The following ANKDD1A variants were observed in gnomAD, a reference collection of about 807,000 sequenced individuals.
The protein encoded by ANKDD1A is ankyrin repeat and death domain containing 1A.
ANKDD1A carries 59 observed loss-of-function variants against 63.5 expected under a neutral mutation model. The observed-to-expected ratio is 0.93, with a 90% CI of 0.75 to 1.15. The LOEUF (loss-of-function observed/expected upper bound fraction) is 1.15, where lower values mean the gene tolerates loss of function less well. ANKDD1A is among the 50% of genes most tolerant of loss of function. The pLI, the probability that ANKDD1A is intolerant of heterozygous loss-of-function variation, is 0.00. For synonymous variants in ANKDD1A, 266 were observed against 263.9 expected, an observed-to-expected ratio of 1.01 and a Z score of -0.08; for missense variants, 632 against 656.4, an observed-to-expected ratio of 0.96 and a Z score of 0.41.
At chr15:64,933,616 G>T (rs909408531) in intron 8 of ANKDD1A, among the ~76,000 whole-genome samples, 1 of 152,200 alleles carries the variant, frequency 6.6e-6, no homozygotes. Context: ...GGCTGAGACG[G>T]GTGGATCACA....
Position 64,917,408 on chromosome 15 carries a change from G to A in ANKDD1A, c.161G>A (p.Trp54Ter). 6 of 1,611,150 alleles carry A rather than the reference G, an allele frequency of 3.7e-6. No individual in the cohort carries two copies. The South Asian group carries it at 6.6e-5, about 18-fold the overall frequency. Residue 54 changes from tryptophan to a stop codon, truncating the protein, a stop_gained, in exon 3 of 15, where the codon TGG becomes TAG. Transcript: ENST00000319580. LOFTEE classifies it high-confidence loss of function. ...RNHVGRVALH[W>*]AAGAGHEQAV... Reference sequence around the variant, plus strand: ...CAGGTGGGCAGGGTGGCCCTGCACTGGGCTGCAGGTGCAGGGCACGAGCAG... The same window carrying A: ...CAGGTGGGCAGGGTGGCCCTGCACTAGGCTGCAGGTGCAGGGCACGAGCAG...
chr15:64,935,896 G>C (rs950402359), intron 9 of ANKDD1A, among the ~76,000 whole-genome samples: 1 of 152,032 alleles, frequency 6.6e-6, no homozygotes, highest in African/African-American at 2.4e-5. Context: ...TTTCTAGAAG[G>C]CAAGTTGACA....
At chr15:64,951,721 C>CTTCCTTTCTTTTCTTTTT (rs1595858590) in intron 14 of ANKDD1A, among the ~76,000 whole-genome samples, 2 of 73,598 alleles carry the variant, frequency 2.7e-5, no homozygotes, top group Non-Finnish European at 5.0e-5. Flanking sequence ...CTTTTTCTTC[C>CTTCCTTTCTTTTCTTTTT]CTTTTCTTCT....
intron 14 of ANKDD1A, chr15:64,951,560 T>TTTCTGC (rs1349611332): frequency 0.013 from 36 of 2,832 alleles, no homozygotes; most frequent in African/African-American, 0.015. Flanking sequence ...TCTTCTTTCT[T>TTTCTGC]TTTCTTTTCT....
At chr15:64,923,504 A>C (rs1164647841) in intron 4 of ANKDD1A, among the ~76,000 whole-genome samples, 1 of 152,114 alleles carries the variant, frequency 6.6e-6, no homozygotes, top group African/African-American at 2.4e-5. Context: ...CATTTAAGTA[A>C]ATATTCTGAG....
chr15:64,917,045 G>A (rs1334158677), intron 2 of ANKDD1A, among the ~76,000 whole-genome samples: 1 of 152,192 alleles, frequency 6.6e-6, no homozygotes, highest in African/African-American at 2.4e-5. Flanking sequence ...GCCTAGAGGT[G>A]GGAAGCTGCT....
chr15:64,950,116 CTT>C, intron 14 of ANKDD1A, 144 bp downstream of exon 14: 1 of 1,462,910 alleles, frequency 6.8e-7, no homozygotes. Context: ...GCCCTGCCCT[CTT>C]TTCCCTTGGG....
In ANKDD1A at chr15:64,930,259, TAAAA is replaced by T. The variant is rs11430089; in HGVS notation, c.571-551_571-548del. 2.8e-5 allele frequency among the ~76,000 whole-genome samples: 4 copies of T among 145,070 alleles called. No homozygotes were observed. The East Asian group carries it at 6.1e-4, about 22-fold the overall frequency. On this transcript the variant is annotated intron_variant, in intron 6 of 14. Coordinates refer to ENST00000319580, the MANE Select transcript of ANKDD1A (RefSeq NM_182703.6). ...CGTATCCCAGAACTTAAAGTAAAAT[TAAAA>T]AAAAAAAAAAAGTCAGACAATAAAT...
rs1380271370 is a variant in ANKDD1A at position 64,951,395 on chromosome 15, CTCTTTTT to C, written c.1483+1437_1483+1443del. On this transcript the variant is annotated intron_variant, in intron 14 of 14. Coordinates refer to ENST00000319580, the MANE Select transcript of ANKDD1A (RefSeq NM_182703.6). Reference sequence around the variant, plus strand: ...CTTCTTTCTTTTTCTTTTCTTCTTCCTCTTTTTTCTTTTTTCTTTTCTTCCTCTTTTC... The same window carrying C: ...CTTCTTTCTTTTTCTTTTCTTCTTCCTCTTTTTTCTTTTCTTCCTCTTTTC... 2.7e-3 allele frequency: 277 copies of C among 104,050 alleles called. 3 individuals are homozygous for C. In the South Asian group the frequency reaches 0.032, roughly 12 times the overall value. The allele number at this position is 104,050 out of a possible 1,614,324, so 6.4% of individuals were successfully genotyped here.
rs367888768 is a variant in ANKDD1A at position 64,916,050 on chromosome 15, A to G, written c.138+150A>G. 5.8e-5 allele frequency: 43 copies of G among 746,586 alleles called. No homozygotes were observed. The East Asian group carries it at 1.1e-3, about 18-fold the overall frequency. The allele number at this position is 746,586 out of a possible 1,614,324, so 46.2% of individuals were successfully genotyped here. A position where few individuals can be genotyped will look rare whatever the true frequency, so the allele number is the denominator to read the frequency against. ...CTCGGGCTCTGTCCTCATGGCCTGC[A>G]TTGTCTCGAGGAATCTGAGGCTTAG... is the stretch of plus-strand genomic sequence containing the variant. On this transcript the variant is annotated intron_variant, in intron 2 of 14. Coordinates refer to ENST00000319580, the MANE Select transcript of ANKDD1A (RefSeq NM_182703.6).
Position 64,942,468 on chromosome 15 carries a change from A to G in ANKDD1A, c.869A>G (p.Gln290Arg). Residue 290 changes from glutamine to arginine, a missense_variant and splice_region_variant, in exon 10 of 15, where the codon CAG (glutamine) becomes CGG (arginine). By Grantham distance (43) the Gln-to-Arg change is conservative. Coordinates refer to ENST00000319580, the MANE Select transcript of ANKDD1A (RefSeq NM_182703.6). Reference sequence around the variant, plus strand: ...TGATCCGTGTATCTCCTCCCACAGCAGGGTGCCTCTCCTCTGCACCTCGCT... The same window carrying G: ...TGATCCGTGTATCTCCTCCCACAGCGGGGTGCCTCTCCTCTGCACCTCGCT... Reference protein sequence around the residue: ...AGGCANVVDHQGASPLHLAVR... With the variant: ...AGGCANVVDHRGASPLHLAVR... 3.1e-6 allele frequency: 5 copies of G among 1,610,306 alleles called. No individual in the cohort carries two copies. Among genetic ancestry groups the G allele is most frequent in the Non-Finnish European group, 4.2e-6 (5 of 1,177,904 alleles).
intron 14 of ANKDD1A, among the ~76,000 whole-genome samples, chr15:64,952,630 T>C (rs2085314913): frequency 6.5e-5 from 8 of 122,450 alleles, no homozygotes; most frequent in Non-Finnish European, 1.4e-4. Context: ...TTCTTCGTCT[T>C]TTCTTTCTTC....
At position 64,951,181 on chromosome 15, in the gene ANKDD1A, C is replaced by T. The variant is rs2085266553; in HGVS notation, c.1483+1209C>T. On this transcript the variant is annotated intron_variant, in intron 14 of 14. Transcript: ENST00000319580. ...AGAGCCCAGGAGGCAAATGTTTGTA[C>T]ACTGATCTTTTTCATGAGGATGGGT... 24 of 1,054,852 alleles carry T rather than the reference C, an allele frequency of 2.3e-5. No individual in the cohort carries two copies. In the Middle Eastern group the frequency reaches 1.5e-3, roughly 64 times the overall value. The allele number at this position is 1,054,852 out of a possible 1,614,324, so 65.3% of individuals were successfully genotyped here.
intron 12 of ANKDD1A, among the ~76,000 whole-genome samples, 196 bp downstream of exon 12, chr15:64,944,943 C>A (rs2085211637): frequency 6.6e-6 from 1 of 152,194 alleles, no homozygotes. Flanking sequence ...CAGGCTGAAA[C>A]AAGGCAGACT....
chr15:64,917,974 G>A (rs1168473436), intron 3 of ANKDD1A, among the ~76,000 whole-genome samples: 5 of 152,350 alleles, frequency 3.3e-5, no homozygotes, highest in East Asian at 3.9e-4. Context: ...GATGAGTAAC[G>A]GGGTCTGTAA....
rs1313027446 is a variant in ANKDD1A, at chr15:64,953,525, C to T, written c.1483+3553C>T. ...TTCCTCCTCTTCCTTCTCCTTCTTC[C>T]TTCTTCTCCTCTCCTTCTTCCTTCT... On this transcript the variant is annotated intron_variant, in intron 14 of 14. Coordinates refer to ENST00000319580, the MANE Select transcript of ANKDD1A (RefSeq NM_182703.6). Among the ~76,000 whole-genome samples the T allele has an allele frequency of 3.2e-3, 220 of 68,450 alleles. 2 individuals carry two copies. Among genetic ancestry groups the T allele is most frequent in the African/African-American group, 9.6e-3 (207 of 21,582 alleles). 44.9% of individuals were successfully genotyped at this position (68,450 alleles called of 152,430 possible).
intron 14 of ANKDD1A, among the ~76,000 whole-genome samples, chr15:64,954,939 TGTCTCTTCTTCTC>T (rs1267340386): frequency 2.7e-5 from 4 of 148,718 alleles, no homozygotes; most frequent in African/African-American, 9.9e-5. Context: ...TCCTTCTTCT[TGTCTCTTCTTCTC>T]TCTCCTTCTT....
intron 12 of ANKDD1A, 51 bp from the exon 13 acceptor site, chr15:64,947,353 T>C (rs1372737258): frequency 7.0e-6 from 11 of 1,580,668 alleles, no homozygotes; most frequent in East Asian, 4.5e-5. Flanking sequence ...GCACTGCCCC[T>C]GTCTGGGATC....
At position 64,942,493 on chromosome 15, in the gene ANKDD1A, T is replaced by C; in HGVS notation, c.894T>C (p.Ala298=). The change falls in exon 10 of 15, where the codon GCT becomes GCC. Residue 298 remains alanine, a synonymous_variant. Coordinates refer to ENST00000319580, the MANE Select transcript of ANKDD1A (RefSeq NM_182703.6). ...AGGGTGCCTCTCCTCTGCACCTCGC[T>C]GTGAGGCACAACTTCCCTGCCTTGG... ...DHQGASPLHL[A]VRHNFPALVR... The C allele has an allele frequency of 6.2e-7, 1 of 1,613,696 alleles. No individual in the cohort carries two copies. The highest frequency in any genetic ancestry group is 8.5e-7 in the Non-Finnish European group (1 of 1,179,826).
Sources: gnomAD v4.1 joint callset for allele counts (sites outside exome capture counted in the v4.1 genomes callset) on GRCh38, gnomAD v4.1.1 for gene constraint, MANE v1.5 for transcripts, NCBI Gene and HGNC (gene_info 2026-07-23, HGNC 2026-07-21) for gene names.